The following EYS variants were observed in gnomAD, a reference collection of about 807,000 sequenced individuals.
The protein encoded by EYS is protein eyes shut homolog.
EYS carries 250 observed loss-of-function variants against 282.1 expected under a neutral mutation model. That is an observed-to-expected ratio of 0.89 (90% CI 0.80 to 0.98). EYS has a LOEUF of 0.98. Among genes scored for constraint, EYS ranks in the 50% least tolerant of loss-of-function variants. The pLI is 0.00. For missense variants in EYS, 4,016 were observed against 3,709.0 expected (o/e 1.08, Z -2.15); for synonymous variants, 1,355 against 1,282.9 (o/e 1.06, Z -1.20).
chr6:63,967,012 G>A (rs1241523277), intron 35 of EYS, among the ~76,000 whole-genome samples: 1 of 152,090 alleles, frequency 6.6e-6, no homozygotes, highest in Non-Finnish European at 1.5e-5. Flanking sequence ...AATAAATTAG[G>A]TAAGCAGGAG....
At chr6:64,401,042 G>T (rs1308221376) in intron 28 of EYS, among the ~76,000 whole-genome samples, 1 of 152,030 alleles carries the variant, frequency 6.6e-6, no homozygotes, top group Non-Finnish European at 1.5e-5. Context: ...AGATGAGGGT[G>T]ACCTACTGTG....
intron 2 of EYS, among the ~76,000 whole-genome samples, chr6:65,555,125 G>T (rs916028111): frequency 6.6e-6 from 1 of 152,036 alleles, no homozygotes; most frequent in Non-Finnish European, 1.5e-5. Context: ...GAATGTGATA[G>T]TTACAGTCAC....
At chr6:64,080,630 C>G (rs540302353) in intron 32 of EYS, among the ~76,000 whole-genome samples, 4 of 151,814 alleles carry the variant, frequency 2.6e-5, no homozygotes, top group Non-Finnish European at 5.9e-5. Context: ...AAGTCCTTGC[C>G]CCTGCCTATG....
At chr6:64,049,263 T>C (rs1770729784) in intron 33 of EYS, among the ~76,000 whole-genome samples, 1 of 152,246 alleles carries the variant, frequency 6.6e-6, no homozygotes, top group African/African-American at 2.4e-5. Context: ...TTTTGCTGTA[T>C]TTGATTAACA....
At chr6:64,532,228 T>A (rs1011951172) in intron 26 of EYS, among the ~76,000 whole-genome samples, 1 of 152,168 alleles carries the variant, frequency 6.6e-6, no homozygotes, top group African/African-American at 2.4e-5. Flanking sequence ...CTGCAAAATA[T>A]TTAAAAAATT....
At chr6:64,019,852 A>ATATATATATATATGTATATATAAG (rs1562154607) in intron 33 of EYS, among the ~76,000 whole-genome samples, 23 of 46,824 alleles carry the variant, frequency 4.9e-4, no homozygotes, top group African/African-American at 3.6e-3. Context: ...ATATATAAGT[A>ATATATATATATATGTATATATAAG]TATATATATA....
At chr6:65,330,625 G>T in intron 11 of EYS, 4 of 948,714 alleles carry the variant, frequency 4.2e-6, no homozygotes, top group Non-Finnish European at 5.0e-6. Flanking sequence ...CACTTTAAAA[G>T]AAAATGTTTA....
At chr6:64,853,138 T>G (rs1280887712) in intron 19 of EYS, among the ~76,000 whole-genome samples, 1 of 152,152 alleles carries the variant, frequency 6.6e-6, no homozygotes, top group East Asian at 1.9e-4. Context: ...CTAAAGATCC[T>G]TTCATATAAA....
chr6:64,960,622 C>T (rs1306442712), intron 14 of EYS, among the ~76,000 whole-genome samples: 1 of 152,136 alleles, frequency 6.6e-6, no homozygotes, highest in African/African-American at 2.4e-5. Context: ...TGCCATCTTA[C>T]ATTTGGCATT....
intron 13 of EYS, among the ~76,000 whole-genome samples, chr6:65,041,064 G>T (rs959095288): frequency 7.3e-5 from 11 of 151,630 alleles, no homozygotes; most frequent in Non-Finnish European, 1.2e-4. Flanking sequence ...TCACTTTTGG[G>T]TACAGTTTTT....
chr6:65,668,901 G>C (rs568203587), intron 1 of EYS, among the ~76,000 whole-genome samples: 8 of 151,938 alleles, frequency 5.3e-5, no homozygotes, highest in African/African-American at 1.9e-4. Flanking sequence ...CTCACTAAAG[G>C]GTTGGGCAAT....
Position 64,793,137 on chromosome 6 carries a change from A to G in EYS, c.3443+20241T>C, listed in dbSNP as rs1386200701. 2.0e-5 allele frequency among the ~76,000 whole-genome samples: 3 copies of G among 152,080 alleles called. No individual in the cohort carries two copies. The East Asian group carries it at 5.8e-4, about 29-fold the overall frequency. On this transcript the variant is annotated intron_variant, in intron 22 of 42. Transcript: ENST00000503581. ...GCCACCTCCTAGTACTATTTATGAGAACAGATGGAATATGAAGAGTCCAAA... is the reference window on the plus strand; with the variant it reads ...GCCACCTCCTAGTACTATTTATGAGGACAGATGGAATATGAAGAGTCCAAA...
At chr6:64,851,352 C>G (rs1006742191) in intron 19 of EYS, among the ~76,000 whole-genome samples, 1 of 152,060 alleles carries the variant, frequency 6.6e-6, no homozygotes, top group Admixed American at 6.6e-5. Flanking sequence ...CCATGCCTAT[C>G]CCACCATAAA....
chr6:65,279,006 T>C (rs1216947558), intron 12 of EYS, among the ~76,000 whole-genome samples: 2 of 152,038 alleles, frequency 1.3e-5, no homozygotes, highest in Non-Finnish European at 2.9e-5. Flanking sequence ...CTGGCCACCA[T>C]GGCTAAACTC....
intron 1 of EYS, among the ~76,000 whole-genome samples, chr6:65,696,377 T>C (rs902030219): frequency 3.9e-5 from 6 of 152,098 alleles, no homozygotes; most frequent in African/African-American, 1.4e-4. Context: ...TACCTAAATA[T>C]GCTATAAGAA....
intron 5 of EYS, among the ~76,000 whole-genome samples, chr6:65,427,028 A>G (rs959651026): frequency 2.0e-5 from 3 of 152,012 alleles, no homozygotes; most frequent in Non-Finnish European, 4.4e-5. Context: ...GTTTTTAAGG[A>G]AATATTTCCC....
At chr6:64,592,186 A>G (rs768720525) in intron 25 of EYS, among the ~76,000 whole-genome samples, 197 bp from the exon 26 acceptor site, 39 of 152,138 alleles carry the variant, frequency 2.6e-4, no homozygotes, top group Non-Finnish European at 5.1e-4. Flanking sequence ...AAATGCAAAG[A>G]TTCCTATTAT....
chr6:64,834,899 G>A (rs1300638553), intron 19 of EYS, among the ~76,000 whole-genome samples: 2 of 151,660 alleles, frequency 1.3e-5, no homozygotes, highest in African/African-American at 4.8e-5. Context: ...AATAGATAAG[G>A]CTAACTGATG....
At chr6:65,364,577 T>A (rs2150336675) in intron 8 of EYS, among the ~76,000 whole-genome samples, 1 of 151,658 alleles carries the variant, frequency 6.6e-6, no homozygotes, top group East Asian at 1.9e-4. Flanking sequence ...TCTCTTTAGG[T>A]TTGATTCTAG....
Sources: allele counts gnomAD v4.1 joint callset (sites outside exome capture counted in the v4.1 genomes callset), GRCh38; gene constraint gnomAD v4.1.1; transcripts MANE v1.5; gene names NCBI Gene and HGNC (gene_info 2026-07-23, HGNC 2026-07-21).